GLIS3: variants seen among roughly 807,000 people sequenced by gnomAD.
GLIS3 encodes the protein GLIS family zinc finger 3, also known as zinc finger protein GLIS3.
In GLIS3, 53 loss-of-function variants were observed where a neutral mutation model predicts 78.6. The observed-to-expected ratio is 0.67, with a 90% CI of 0.54 to 0.85. The LOEUF is 0.85. GLIS3 is among the 40% of genes least tolerant of loss of function. The pLI is 0.00. For missense variants in GLIS3, 1,703 were observed against 1,231.1 expected, an observed-to-expected ratio of 1.38 and a Z score of -5.74; for synonymous variants, 684 against 509.9, an observed-to-expected ratio of 1.34 and a Z score of -4.60.
intron 2 of GLIS3, among the ~76,000 whole-genome samples, chr9:4,196,247 C>G (rs1224720587): frequency 6.6e-6 from 1 of 152,146 alleles, no homozygotes; most frequent in Middle Eastern, 3.2e-3. Flanking sequence ...TGTAAACACA[C>G]CAATCAGCAC....
chr9:3,928,109 C>T (rs968799804), intron 6 of GLIS3, among the ~76,000 whole-genome samples: 2 of 152,180 alleles, frequency 1.3e-5, no homozygotes, highest in Non-Finnish European at 2.9e-5. Flanking sequence ...TTTAAAAAAT[C>T]AGTGCCGTTT....
chr9:3,942,059 A>C (rs1356903640), intron 4 of GLIS3, among the ~76,000 whole-genome samples: 1 of 152,154 alleles, frequency 6.6e-6, no homozygotes, highest in Non-Finnish European at 1.5e-5. Context: ...GTAACCAATA[A>C]TTAAGTAGAA....
At chr9:3,981,008 T>C (rs993224594) in intron 4 of GLIS3, among the ~76,000 whole-genome samples, 1 of 152,178 alleles carries the variant, frequency 6.6e-6, no homozygotes, top group Non-Finnish European at 1.5e-5. Flanking sequence ...TGAAGCGCTC[T>C]TTTGTTGCAG....
chr9:4,089,461 A>T (rs201665732), intron 4 of GLIS3, among the ~76,000 whole-genome samples: 5 of 152,192 alleles, frequency 3.3e-5, no homozygotes, highest in African/African-American at 1.2e-4. Context: ...AAATATGAAA[A>T]AAGGAAAATA....
rs145081070 is a variant in GLIS3 at position 4,292,828 on chromosome 9, T to G, written c.-98-6305A>C. ...AAGTTTAAATTAACACACAATGTCT[T>G]TGAGAACTGAGTCTTTCAAAATGTG... On this transcript the variant is annotated intron_variant, in intron 1 of 10. Transcript: ENST00000381971. Among the ~76,000 whole-genome samples, 51 of 152,318 alleles carry G rather than the reference T, an allele frequency of 3.3e-4. 1 individual carries two copies. The highest frequency in any genetic ancestry group is 1.2e-3 in the African/African-American group (48 of 41,562).
the GLIS3 span, among the ~76,000 whole-genome samples, chr9:4,375,926 C>G: frequency 6.6e-6 from 1 of 152,082 alleles, no homozygotes; most frequent in Non-Finnish European, 1.5e-5. Flanking sequence ...GTTTCTAGTG[C>G]CAGCTACACG....
chr9:4,276,570 A>G (rs1436933445), intron 2 of GLIS3, among the ~76,000 whole-genome samples: 1 of 149,128 alleles, frequency 6.7e-6, no homozygotes, highest in African/African-American at 2.5e-5. Context: ...AGGGGAGGGA[A>G]GAGAAGAAAG....
At chr9:4,169,188 T>C (rs1260065421) in intron 2 of GLIS3, among the ~76,000 whole-genome samples, 2 of 152,206 alleles carry the variant, frequency 1.3e-5, no homozygotes, top group African/African-American at 2.4e-5. Flanking sequence ...ATCTCATAAA[T>C]GAGACCTCTA....
chr9:4,075,125 C>T (rs1827934649), intron 4 of GLIS3, among the ~76,000 whole-genome samples: 1 of 124,288 alleles, frequency 8.0e-6, no homozygotes, highest in Non-Finnish European at 1.6e-5. Context: ...AAGGGAATTT[C>T]TGGAGGAGAT....
intron 7 of GLIS3, among the ~76,000 whole-genome samples, chr9:3,890,783 C>G (rs1050934127): frequency 3.9e-5 from 6 of 151,916 alleles, no homozygotes; most frequent in Admixed American, 6.6e-5. Flanking sequence ...ACAAACCCAC[C>G]AACAACACTA....
intron 6 of GLIS3, among the ~76,000 whole-genome samples, chr9:3,927,584 T>G (rs544358814): frequency 6.6e-6 from 1 of 152,332 alleles, no homozygotes; most frequent in South Asian, 2.1e-4. Context: ...GAGATGGTGG[T>G]AGATATCTTT....
At chr9:4,297,941 G>A (rs1276308163) in intron 1 of GLIS3, among the ~76,000 whole-genome samples, 3 of 142,234 alleles carry the variant, frequency 2.1e-5, no homozygotes, top group African/African-American at 7.8e-5. Flanking sequence ...GCGGAGCTAG[G>A]GGCGGGTCCG....
intron 2 of GLIS3, among the ~76,000 whole-genome samples, chr9:4,316,830 T>C (rs1387957447): frequency 6.6e-6 from 1 of 151,632 alleles, no homozygotes; most frequent in African/African-American, 2.4e-5. Flanking sequence ...TAGCTCAAAT[T>C]TATTTCCGTG....
the GLIS3 span, among the ~76,000 whole-genome samples, chr9:4,395,334 T>C: frequency 8.5e-5 from 13 of 152,348 alleles, no homozygotes; most frequent in East Asian, 7.7e-4. Context: ...GGGTATTTTG[T>C]TGAGGCGCTG....
intron 6 of GLIS3, among the ~76,000 whole-genome samples, chr9:3,916,708 A>G (rs957700860): frequency 2.0e-5 from 3 of 152,130 alleles, no homozygotes; most frequent in Admixed American, 6.5e-5. Context: ...CTCCTCCTGA[A>G]TGGCTTCCTG....
At chr9:4,045,949 G>A (rs1051261348) in intron 4 of GLIS3, among the ~76,000 whole-genome samples, 6 of 151,980 alleles carry the variant, frequency 3.9e-5, no homozygotes, top group Admixed American at 2.0e-4. Flanking sequence ...TTGGGAGATC[G>A]GGGGGGAAAT....
chr9:4,056,358 C>G (rs1331890691), intron 4 of GLIS3, among the ~76,000 whole-genome samples: 2 of 152,322 alleles, frequency 1.3e-5, no homozygotes, highest in South Asian at 2.1e-4. Flanking sequence ...ATACAAGACT[C>G]CTTTTTAAGC....
chr9:4,377,785 C>G, the GLIS3 span, among the ~76,000 whole-genome samples: 3 of 152,002 alleles, frequency 2.0e-5, no homozygotes, highest in African/African-American at 7.2e-5. Context: ...GAAAGTTGCA[C>G]TTGTTTAGGC....
chr9:4,367,249 G>C, the GLIS3 span, among the ~76,000 whole-genome samples: 2,814 of 152,184 alleles, frequency 0.018, 87 homozygotes, highest in African/African-American at 0.064. Context: ...TCTCCCTCTC[G>C]CTTTACATTT....
Sources: allele counts gnomAD v4.1 joint callset (sites outside exome capture counted in the v4.1 genomes callset), GRCh38; gene constraint gnomAD v4.1.1; transcripts MANE v1.5; gene names NCBI Gene and HGNC (gene_info 2026-07-23, HGNC 2026-07-21).